MPPED2: variants seen among roughly 807,000 people sequenced by gnomAD.
The protein encoded by MPPED2 is metallophosphoesterase MPPED2.
MPPED2 carries 5 observed loss-of-function variants against 33.0 expected under a neutral mutation model. The ratio of observed to expected loss-of-function variants is 0.15; its 90% CI spans 0.08 to 0.32. The LOEUF is 0.32. Among genes scored for constraint, MPPED2 ranks in the 10% least tolerant of loss-of-function variants. The pLI, the probability that MPPED2 is intolerant of heterozygous loss-of-function variation, is 1.00. For synonymous variants in MPPED2, 136 were observed against 141.9 expected (o/e 0.96, Z 0.29); for missense variants, 275 against 372.1 (o/e 0.74, Z 2.15).
downstream of MPPED2, among the ~76,000 whole-genome samples, chr11:30,407,222 G>C (rs1253930480): frequency 6.6e-6 from 1 of 152,198 alleles, no homozygotes; most frequent in Non-Finnish European, 1.5e-5. Context: ...AAGACAAAAG[G>C]GGATTGTGTG....
chr11:30,454,017 TCTC>T (rs1190014096), intron 4 of MPPED2, among the ~76,000 whole-genome samples: 4 of 152,114 alleles, frequency 2.6e-5, no homozygotes, highest in Non-Finnish European at 5.9e-5. Context: ...GATCTTGTCA[TCTC>T]CTGGCCACAC....
chr11:30,400,083 A>T (rs889289502), intron 6 of MPPED2, among the ~76,000 whole-genome samples: 1 of 152,108 alleles, frequency 6.6e-6, no homozygotes, highest in Non-Finnish European at 1.5e-5. Flanking sequence ...ACAGCATATT[A>T]CTTTTTAATT....
At chr11:30,498,320 C>A (rs920051874) in intron 3 of MPPED2, among the ~76,000 whole-genome samples, 1 of 152,192 alleles carries the variant, frequency 6.6e-6, no homozygotes, top group Middle Eastern at 3.4e-3. Flanking sequence ...CACGGTGGCT[C>A]ACACCCGGAA....
At chr11:30,455,712 C>T (rs1272985949) in intron 4 of MPPED2, among the ~76,000 whole-genome samples, 2 of 152,258 alleles carry the variant, frequency 1.3e-5, no homozygotes, top group African/African-American at 4.8e-5. Context: ...TTAAGCATCC[C>T]GATTCTCCCC....
intron 1 of MPPED2, among the ~76,000 whole-genome samples, chr11:30,582,491 A>G (rs1228133159): frequency 6.6e-6 from 1 of 152,216 alleles, no homozygotes; most frequent in Non-Finnish European, 1.5e-5. Flanking sequence ...TCATGTCTAG[A>G]CCGCTGTGAC....
intron 4 of MPPED2, among the ~76,000 whole-genome samples, chr11:30,450,104 C>T (rs1406609095): frequency 6.6e-6 from 1 of 152,228 alleles, no homozygotes; most frequent in Non-Finnish European, 1.5e-5. Context: ...TTTGAATTCA[C>T]AGGCGCCAGC....
Position 30,410,700 on chromosome 11 carries a change from C to T in MPPED2, c.*768G>A. 1 of 984,488 alleles carries T rather than the reference C, an allele frequency of 1.0e-6. No homozygotes were observed. The highest frequency in any genetic ancestry group is 1.2e-6 in the Non-Finnish European group (1 of 828,742). The allele number at this position is 984,488 out of a possible 1,614,324, so 61.0% of individuals were successfully genotyped here. On this transcript the variant is annotated 3_prime_UTR_variant, in exon 7 of 7. Transcript: ENST00000358117. ...AAACTCCTAACGTAGTCATAATACA[C>T]AAAAAATACTTATATATATAAACCC...
At chr11:30,575,409 A>T (rs1956886595) in intron 2 of MPPED2, among the ~76,000 whole-genome samples, 1 of 152,196 alleles carries the variant, frequency 6.6e-6, no homozygotes, top group Non-Finnish European at 1.5e-5. Flanking sequence ...TCACAACCAT[A>T]TTAAAGGGTC....
intron 3 of MPPED2, among the ~76,000 whole-genome samples, chr11:30,508,916 T>G (rs540812599): frequency 4.6e-5 from 7 of 152,212 alleles, no homozygotes; most frequent in Non-Finnish European, 1.5e-5. Context: ...GTTCGAACTA[T>G]ATTCTATTCA....
intron 3 of MPPED2, among the ~76,000 whole-genome samples, chr11:30,516,154 T>C (rs1953522631): frequency 6.6e-6 from 1 of 152,168 alleles, no homozygotes; most frequent in African/African-American, 2.4e-5. Context: ...GGAGCCACTT[T>C]AGATTGATCA....
chr11:30,536,242 A>C, intron 2 of MPPED2, 67 bp from the exon 3 acceptor site: 2 of 1,324,080 alleles, frequency 1.5e-6, no homozygotes, highest in Non-Finnish European at 2.0e-6. Flanking sequence ...GTCGTCGCAC[A>C]TACATATTTA....
intron 5 of MPPED2, 46 bp downstream of exon 5, chr11:30,417,471 GA>G: frequency 1.2e-4 from 133 of 1,077,522 alleles, no homozygotes; most frequent in South Asian, 2.3e-4. Flanking sequence ...ATTATGCCTG[GA>G]AAAAAAGGCA....
chr11:30,408,908 A>G (rs1401449212), downstream of MPPED2, among the ~76,000 whole-genome samples: 1 of 152,174 alleles, frequency 6.6e-6, no homozygotes, highest in African/African-American at 2.4e-5. Context: ...TGTAAGGCCC[A>G]GTGTAGAAAG....
chr11:30,432,102 G>A (rs552852238), intron 4 of MPPED2, among the ~76,000 whole-genome samples: 68 of 151,682 alleles, frequency 4.5e-4, no homozygotes, highest in African/African-American at 1.5e-3. Context: ...CCAGGAGGCA[G>A]AGGTTTCAAG....
At chr11:30,580,960 T>C (rs556082547) in intron 1 of MPPED2, among the ~76,000 whole-genome samples, 1 of 152,352 alleles carries the variant, frequency 6.6e-6, no homozygotes, top group Admixed American at 6.5e-5. Flanking sequence ...ATTTAAAATG[T>C]TGTGCTTATA....
At chr11:30,535,934 G>A in intron 3 of MPPED2, 60 bp downstream of exon 3, 1 of 1,442,322 alleles carries the variant, frequency 6.9e-7, no homozygotes, top group Non-Finnish European at 9.3e-7. Flanking sequence ...TTAGGACGCA[G>A]TGAGTGACAC....
chr11:30,434,680 T>A (rs773874945), intron 4 of MPPED2, among the ~76,000 whole-genome samples: 2 of 152,192 alleles, frequency 1.3e-5, no homozygotes, highest in African/African-American at 2.4e-5. Context: ...GATATTTAAA[T>A]AAATTGATAC....
chr11:30,506,737 T>C (rs1952844239), intron 3 of MPPED2, among the ~76,000 whole-genome samples: 1 of 152,230 alleles, frequency 6.6e-6, no homozygotes, highest in African/African-American at 2.4e-5. Flanking sequence ...TTTAGAGGCT[T>C]TTTAAATTCC....
intron 4 of MPPED2, among the ~76,000 whole-genome samples, chr11:30,457,929 T>A (rs1950349779): frequency 6.6e-6 from 1 of 152,168 alleles, no homozygotes; most frequent in East Asian, 1.9e-4. Context: ...AATGTCCAAA[T>A]GTTGAGAGCA....
Sources: gnomAD v4.1 joint callset for allele counts (sites outside exome capture counted in the v4.1 genomes callset) on GRCh38, gnomAD v4.1.1 for gene constraint, MANE v1.5 for transcripts, NCBI Gene and HGNC (gene_info 2026-07-23, HGNC 2026-07-21) for gene names.